AGBL3: variants seen among roughly 807,000 people sequenced by gnomAD.
AGBL3 encodes cytosolic carboxypeptidase 3.
A neutral mutation model predicts 94.5 loss-of-function variants in AGBL3; 68 were observed. The observed-to-expected ratio is 0.72, with a 90% CI of 0.59 to 0.88. The LOEUF is 0.88. Among genes scored for constraint, AGBL3 ranks in the 40% least tolerant of loss-of-function variants. AGBL3 has a pLI of 0.00. For synonymous variants in AGBL3, 354 were observed against 370.7 expected (o/e 0.95, Z 0.52); for missense variants, 934 against 1,103.8 (o/e 0.85, Z 2.18).
intron 8 of AGBL3, among the ~76,000 whole-genome samples, chr7:135,042,272 A>C (rs1816929380): frequency 6.6e-6 from 1 of 152,176 alleles, no homozygotes; most frequent in Non-Finnish European, 1.5e-5. Flanking sequence ...AACAACCCAA[A>C]ATGTCCTTTA....
chr7:135,112,622 C>G (rs10240318), intron 15 of AGBL3, among the ~76,000 whole-genome samples: 1 of 152,100 alleles, frequency 6.6e-6, no homozygotes, highest in Non-Finnish European at 1.5e-5. Flanking sequence ...AGTGAGTGCC[C>G]TGGTTTATCT....
intron 4 of AGBL3, among the ~76,000 whole-genome samples, chr7:135,014,197 GAAAAAAAAAAAA>G (rs58580550): frequency 3.1e-5 from 2 of 65,528 alleles, no homozygotes; most frequent in Admixed American, 2.1e-4. Context: ...CTCTGTCTCT[GAAAAAAAAAAAA>G]AAAAAAAAAA....
chr7:135,096,558 A>AAGATAGATAGATAGATAGATAGATAGAT lies in AGBL3; in HGVS notation c.2110+14793_2110+14794insGATAGATAGATAGATAGATAGATAGATA, dbSNP rs1167936702. On this transcript the variant is annotated intron_variant, in intron 15 of 16. Coordinates refer to ENST00000436302, the MANE Select transcript of AGBL3 (RefSeq NM_178563.4). ...AAAAAGAAAAAGAAAGAAAGAAAGA[A>AAGATAGATAGATAGATAGATAGATAGAT]AGATAGATAGATAGATAGATAGATA... 1.3e-3 allele frequency among the ~76,000 whole-genome samples: 107 copies of AAGATAGATAGATAGATAGATAGATAGAT among 79,770 alleles called. 1 individual carries two copies. The highest frequency in any genetic ancestry group is 4.6e-3 in the East Asian group (15 of 3,280). 52.3% of individuals were successfully genotyped at this position (79,770 alleles called of 152,430 possible). A position where few individuals can be genotyped will look rare whatever the true frequency, so the allele number is the denominator to read the frequency against.
intron 12 of AGBL3, among the ~76,000 whole-genome samples, chr7:135,073,729 G>T (rs1780093517): frequency 6.6e-6 from 1 of 151,872 alleles, no homozygotes; most frequent in African/African-American, 2.4e-5. Flanking sequence ...CAAGCAGGGG[G>T]TACGTGACTG....
At chr7:135,119,508 G>C (rs2117226904) in intron 16 of AGBL3, among the ~76,000 whole-genome samples, 1 of 151,562 alleles carries the variant, frequency 6.6e-6, no homozygotes, top group Non-Finnish European at 1.5e-5. Context: ...GGGATTACAG[G>C]CATGAGCCAC....
chr7:135,045,533 T>C lies in AGBL3; in HGVS notation c.1687T>C (p.Cys563Arg). Residue 563 changes from cysteine (C) to arginine (R), a missense_variant, in exon 10 of 17, where the codon TGT (cysteine) becomes CGT (arginine). Physicochemically the swap from Cys to Arg is radical, Grantham distance 180 (BLOSUM62 -3). This residue lies in a region of AGBL3 where 441 missense variants were observed against 518.2 expected (regional missense o/e 0.85). Coordinates refer to ENST00000436302, the MANE Select transcript of AGBL3 (RefSeq NM_178563.4). ...CCTGGAATCAATGGGATATCATTTT[T>C]GTGATTCTCTCTTGGATTATTGTGA... ...KDLESMGYHF[C>R]DSLLDYCDPD... 6.4e-7 allele frequency: 1 copy of C among 1,551,204 alleles called. No individual in the cohort carries two copies. The highest frequency in any genetic ancestry group is 8.7e-7 in the Non-Finnish European group (1 of 1,146,638).
At chr7:135,038,386 C>G (rs1295469913) in intron 8 of AGBL3, among the ~76,000 whole-genome samples, 1 of 152,190 alleles carries the variant, frequency 6.6e-6, no homozygotes, top group African/African-American at 2.4e-5. Flanking sequence ...AAACCCATAG[C>G]TGAAGCTATT....
chr7:135,025,567 AC>A (rs1236788295), intron 5 of AGBL3, among the ~76,000 whole-genome samples: 3 of 151,606 alleles, frequency 2.0e-5, no homozygotes, highest in Non-Finnish European at 4.4e-5. Flanking sequence ...TAACATGATG[AC>A]AGGATTAAAA....
chr7:135,029,029 G>C (rs902751512), intron 5 of AGBL3, among the ~76,000 whole-genome samples: 3 of 152,162 alleles, frequency 2.0e-5, no homozygotes, highest in Admixed American at 2.0e-4. Context: ...AAAATATTTA[G>C]TAAAGCATGC....
At chr7:135,013,130 T>G (rs1813360428) in intron 4 of AGBL3, among the ~76,000 whole-genome samples, 1 of 152,162 alleles carries the variant, frequency 6.6e-6, no homozygotes, top group Non-Finnish European at 1.5e-5. Context: ...AACAGACATT[T>G]CTCAAAGAAT....
intron 14 of AGBL3, among the ~76,000 whole-genome samples, chr7:135,081,191 G>C (rs953011703): frequency 6.6e-6 from 1 of 151,954 alleles, no homozygotes; most frequent in African/African-American, 2.4e-5. Context: ...TAAAAATAAA[G>C]ATAAGCAAAA....
At chr7:135,101,180 T>G (rs1256611283) in intron 15 of AGBL3, 2 of 456,022 alleles carry the variant, frequency 4.4e-6, no homozygotes, top group African/African-American at 4.0e-5. Context: ...TCAAGGGAAC[T>G]GATTTGTATG....
intron 15 of AGBL3, among the ~76,000 whole-genome samples, chr7:135,096,459 C>T (rs1822731630): frequency 6.7e-6 from 1 of 150,216 alleles, no homozygotes; most frequent in South Asian, 2.1e-4. Flanking sequence ...CTTTTAATGA[C>T]TCGTGGAAGA....
intron 15 of AGBL3, among the ~76,000 whole-genome samples, chr7:135,114,317 T>C (rs1240918484): frequency 3.3e-5 from 5 of 152,212 alleles, no homozygotes; most frequent in Non-Finnish European, 7.3e-5. Flanking sequence ...TTATTAATAA[T>C]GTGTGAAGGT....
At chr7:135,014,077 T>A (rs1813470805) in intron 4 of AGBL3, among the ~76,000 whole-genome samples, 1 of 151,702 alleles carries the variant, frequency 6.6e-6, no homozygotes, top group Non-Finnish European at 1.5e-5. Flanking sequence ...GCGCCTGTAG[T>A]CCCAGCTACT....
intron 12 of AGBL3, among the ~76,000 whole-genome samples, chr7:135,073,336 G>C (rs1247050622): frequency 2.0e-5 from 3 of 152,040 alleles, no homozygotes; most frequent in African/African-American, 7.2e-5. Flanking sequence ...TGGGTGTGGT[G>C]GTGGGTGCCC....
chr7:135,072,377 C>A (rs1406783303), intron 12 of AGBL3, among the ~76,000 whole-genome samples: 1 of 152,146 alleles, frequency 6.6e-6, no homozygotes, highest in Admixed American at 6.5e-5. Context: ...GGATCCAGAA[C>A]TAGAAATACC....
intron 15 of AGBL3, among the ~76,000 whole-genome samples, chr7:135,096,592 G>GATAGATAGATAGATAC (rs1822828609): frequency 7.0e-6 from 1 of 143,368 alleles, no homozygotes; most frequent in Admixed American, 7.2e-5. Flanking sequence ...TACATAGATA[G>GATAGATAGATAGATAC]ATAGATAGAT....
At chr7:135,122,410 G>A (rs1270629647) in intron 16 of AGBL3, among the ~76,000 whole-genome samples, 1 of 152,206 alleles carries the variant, frequency 6.6e-6, no homozygotes, top group Non-Finnish European at 1.5e-5. Context: ...CCCCTAGCGG[G>A]AGGGGTGACC....
Sources: allele counts gnomAD v4.1 joint callset (sites outside exome capture counted in the v4.1 genomes callset), GRCh38; gene constraint gnomAD v4.1.1; regional missense constraint gnomAD v4.1.1; transcripts MANE v1.5; gene names NCBI Gene and HGNC (gene_info 2026-07-23, HGNC 2026-07-21).